Variants in IL34 observed in about 807,000 individuals in gnomAD.
IL34 encodes the protein interleukin 34, also known as interleukin-34.
In IL34, 17 loss-of-function variants were observed where a neutral mutation model predicts 25.3. The observed-to-expected ratio is 0.67, with a 90% CI of 0.46 to 1.01. The LOEUF is 1.01. IL34 is among the 50% of genes least tolerant of loss of function. The pLI, the probability that IL34 is intolerant of heterozygous loss-of-function variation, is 0.00. For missense variants in IL34, 368 were observed against 312.9 expected (o/e 1.18, Z -1.33); for synonymous variants, 174 against 140.9 (o/e 1.23, Z -1.66).
intron 1 of IL34, among the ~76,000 whole-genome samples, chr16:70,628,585 C>G (rs994734222): frequency 6.6e-6 from 1 of 151,370 alleles, no homozygotes; most frequent in Admixed American, 6.6e-5. Context: ...CTCGCGGGTT[C>G]AAGCGATTCT....
chr16:70,585,134 G>A (rs956996882), intron 1 of IL34, among the ~76,000 whole-genome samples: 1 of 152,148 alleles, frequency 6.6e-6, no homozygotes, highest in Non-Finnish European at 1.5e-5. Context: ...CAACCTCTGG[G>A]CACCACCTTT....
intron 1 of IL34, among the ~76,000 whole-genome samples, chr16:70,617,139 G>A (rs2151832767): frequency 6.6e-6 from 1 of 152,252 alleles, no homozygotes; most frequent in Non-Finnish European, 1.5e-5. Flanking sequence ...AACATTTGTT[G>A]TGTAGAATTA....
chr16:70,658,803 C>G (rs1432212371), intron 4 of IL34, among the ~76,000 whole-genome samples: 2 of 152,170 alleles, frequency 1.3e-5, no homozygotes, highest in Non-Finnish European at 2.9e-5. Flanking sequence ...TGCCCTGTTT[C>G]CATGTCTGTC....
At chr16:70,653,435 A>G (rs1162331246) in intron 1 of IL34, among the ~76,000 whole-genome samples, 1 of 151,436 alleles carries the variant, frequency 6.6e-6, no homozygotes, top group Non-Finnish European at 1.5e-5. Context: ...ACAGTGGCTC[A>G]CACCTATAAT....
At chr16:70,594,399 A>G (rs3886749) in intron 1 of IL34, among the ~76,000 whole-genome samples, 15,316 of 152,112 alleles carry the variant, frequency 0.1, 1,882 homozygotes, top group African/African-American at 0.27. Context: ...TGTGCTTTCA[A>G]TTTCAAATAG....
intron 1 of IL34, among the ~76,000 whole-genome samples, chr16:70,629,764 C>A (rs978156688): frequency 1.3e-5 from 2 of 151,242 alleles, no homozygotes; most frequent in African/African-American, 4.9e-5. Flanking sequence ...TTATGGGGTA[C>A]ATGAGATATT....
At chr16:70,615,676 C>T (rs899073583) in intron 1 of IL34, among the ~76,000 whole-genome samples, 6 of 151,940 alleles carry the variant, frequency 3.9e-5, no homozygotes, top group Middle Eastern at 3.4e-3. Context: ...AAGTGCCAGG[C>T]GCAGTGGCAC....
chr16:70,633,465 A>G (rs757127404), intron 1 of IL34, among the ~76,000 whole-genome samples: 4 of 151,994 alleles, frequency 2.6e-5, no homozygotes, highest in Non-Finnish European at 5.9e-5. Flanking sequence ...TGGTCTCCCT[A>G]TGTTGCCCAG....
intron 1 of IL34, among the ~76,000 whole-genome samples, chr16:70,625,666 A>G (rs1567450974): frequency 6.6e-6 from 1 of 152,140 alleles, no homozygotes; most frequent in Non-Finnish European, 1.5e-5. Flanking sequence ...ACACCAAGGG[A>G]AGGCTGCCTT....
At chr16:70,631,650 A>G (rs2051520628) in intron 1 of IL34, among the ~76,000 whole-genome samples, 1 of 152,154 alleles carries the variant, frequency 6.6e-6, no homozygotes, top group Non-Finnish European at 1.5e-5. Context: ...TGGAAAAATA[A>G]AAAAGTTAAA....
chr16:70,583,262 G>A (rs112705519), intron 1 of IL34, among the ~76,000 whole-genome samples: 1,799 of 152,008 alleles, frequency 0.012, 42 homozygotes, highest in African/African-American at 0.041. Context: ...ACAGGCACGC[G>A]CCACCATGCC....
intron 1 of IL34, among the ~76,000 whole-genome samples, chr16:70,651,716 C>G (rs1339712821): frequency 6.7e-6 from 1 of 150,306 alleles, no homozygotes; most frequent in Non-Finnish European, 1.5e-5. Context: ...CTGCTCATAG[C>G]TGGGGGTGGC....
chr16:70,607,834 G>A (rs1050872656), intron 1 of IL34, among the ~76,000 whole-genome samples: 10 of 151,452 alleles, frequency 6.6e-5, no homozygotes, highest in South Asian at 2.1e-4. Context: ...GCGTGATCTC[G>A]GCTCACTGTA....
At chr16:70,639,354 A>G (rs563784868) in intron 1 of IL34, among the ~76,000 whole-genome samples, 1 of 152,364 alleles carries the variant, frequency 6.6e-6, no homozygotes, top group East Asian at 1.9e-4. Context: ...GGCAGAGGCC[A>G]GAAATAGGAG....
chr16:70,643,069 T>C (rs1299857446), upstream of IL34, among the ~76,000 whole-genome samples: 1 of 152,140 alleles, frequency 6.6e-6, no homozygotes, highest in Non-Finnish European at 1.5e-5. Context: ...TTTATTTATT[T>C]TTATTTATTT....
chr16:70,649,013 T>C (rs1222482613), intron 1 of IL34, among the ~76,000 whole-genome samples: 1 of 152,120 alleles, frequency 6.6e-6, no homozygotes, highest in Non-Finnish European at 1.5e-5. Context: ...AGGACACTAG[T>C]CACTGGATTT....
chr16:70,645,506 G>A (rs2051905604), upstream of IL34, among the ~76,000 whole-genome samples: 3 of 152,226 alleles, frequency 2.0e-5, no homozygotes, highest in South Asian at 4.1e-4. Context: ...GATCTGCAGA[G>A]CAGACACAAT....
chr16:70,622,328 G>A lies in IL34; in HGVS notation c.-400-24220G>A, dbSNP rs568124417. 1.4e-3 allele frequency among the ~76,000 whole-genome samples: 219 copies of A among 152,172 alleles called. 1 individual carries two copies. Among genetic ancestry groups the A allele is most frequent in the Non-Finnish European group, 2.5e-3 (169 of 68,004 alleles). Reference sequence around the variant, plus strand: ...AAGCTAATTTGCCAGTCCTGGGCGGGGGCAAATCCCTGAGCTTGATGTGTA... The same window carrying A: ...AAGCTAATTTGCCAGTCCTGGGCGGAGGCAAATCCCTGAGCTTGATGTGTA... On this transcript the variant is annotated intron_variant, in intron 1 of 6. Coordinates refer to the IL34 transcript ENST00000429149.
intron 1 of IL34, among the ~76,000 whole-genome samples, chr16:70,600,217 A>T (rs1237127099): frequency 6.6e-6 from 1 of 151,714 alleles, no homozygotes. Context: ...GTAAGTCTCT[A>T]CCCCTCTCTA....
Sources: gnomAD v4.1 joint callset for allele counts (sites outside exome capture counted in the v4.1 genomes callset) on GRCh38, gnomAD v4.1.1 for gene constraint, MANE v1.5 for transcripts, NCBI Gene and HGNC (gene_info 2026-07-23, HGNC 2026-07-21) for gene names.